The following CNTN4 variants were observed in gnomAD, a reference collection of about 807,000 sequenced individuals.
CNTN4 encodes contactin-4.
In CNTN4, 77 loss-of-function variants were observed where a neutral mutation model predicts 122.5. That is an observed-to-expected ratio of 0.63 (90% CI 0.52 to 0.76). The LOEUF is 0.76. Ranked by LOEUF, CNTN4 falls within the 30% of genes least tolerant of loss-of-function variation. The pLI is 0.00. For synonymous variants in CNTN4, 512 were observed against 447.0 expected (o/e 1.15, Z -1.83); for missense variants, 1,256 against 1,259.1 (o/e 1.00, Z 0.04).
intron 14 of CNTN4, among the ~76,000 whole-genome samples, chr3:2,991,617 G>C (rs1028705813): frequency 6.6e-6 from 1 of 152,034 alleles, no homozygotes; most frequent in African/African-American, 2.4e-5. Flanking sequence ...CTGCAGAGGG[G>C]CCATCCACAG....
chr3:2,489,922 A>G (rs556936303), intron 3 of CNTN4, among the ~76,000 whole-genome samples: 1 of 152,330 alleles, frequency 6.6e-6, no homozygotes, highest in South Asian at 2.1e-4. Flanking sequence ...TATGTCTCGT[A>G]TAAAACATAC....
intron 3 of CNTN4, among the ~76,000 whole-genome samples, chr3:2,357,181 C>T (rs147332477): frequency 5.6e-4 from 86 of 152,304 alleles, no homozygotes; most frequent in African/African-American, 1.9e-3. Context: ...TGGTGACCCA[C>T]AAACCGTACT....
At chr3:2,681,234 G>A (rs2085148602) in intron 4 of CNTN4, among the ~76,000 whole-genome samples, 1 of 152,072 alleles carries the variant, frequency 6.6e-6, no homozygotes, top group South Asian at 2.1e-4. Context: ...ATACCATGGG[G>A]CAGGATGCTA....
In CNTN4 at chr3:2,920,790, T is replaced by C. The variant is rs545134660; in HGVS notation, c.1208-4839T>C. Among the ~76,000 whole-genome samples the C allele has an allele frequency of 1.2e-4, 16 of 134,820 alleles. 1 individual carries two copies. Among genetic ancestry groups the C allele is most frequent in the African/African-American group, 4.4e-4 (16 of 36,252 alleles). The allele number at this position is 134,820 out of a possible 152,430, so 88.4% of individuals were successfully genotyped here. Reference sequence around the variant, plus strand: ...TTTAATCCTCAAAATAATCTCATGATTGTAAAATTCTTTTGTTTCATAATA... The same window carrying C: ...TTTAATCCTCAAAATAATCTCATGACTGTAAAATTCTTTTGTTTCATAATA... On this transcript the variant is annotated intron_variant, in intron 12 of 24. Transcript: ENST00000418658.
chr3:2,578,435 C>T (rs1255230345), intron 4 of CNTN4, among the ~76,000 whole-genome samples: 1 of 152,174 alleles, frequency 6.6e-6, no homozygotes, highest in Non-Finnish European at 1.5e-5. Context: ...ATGGAGAGCA[C>T]ACAGTAGTTC....
chr3:2,102,391 A>T, intron 2 of CNTN4, among the ~76,000 whole-genome samples: 1 of 152,248 alleles, frequency 6.6e-6, no homozygotes, highest in South Asian at 2.1e-4. Context: ...TCACGGCATC[A>T]CGATAGGGAT....
At chr3:2,485,082 C>G (rs1283608482) in intron 3 of CNTN4, among the ~76,000 whole-genome samples, 1 of 152,236 alleles carries the variant, frequency 6.6e-6, no homozygotes, top group Admixed American at 6.5e-5. Context: ...CGCCGGGTCC[C>G]CCAGCAGTGC....
chr3:2,353,383 C>A (rs536742661), intron 3 of CNTN4, among the ~76,000 whole-genome samples: 1 of 152,200 alleles, frequency 6.6e-6, no homozygotes, highest in Non-Finnish European at 1.5e-5. Flanking sequence ...GCAGGCTGCC[C>A]GATCCCTGCA....
At chr3:2,765,293 T>C (rs1421828203) in intron 6 of CNTN4, among the ~76,000 whole-genome samples, 1 of 152,052 alleles carries the variant, frequency 6.6e-6, no homozygotes, top group African/African-American at 2.4e-5. Context: ...GATGAAAGGA[T>C]GAGATTGAAG....
chr3:2,734,857 C>G lies in CNTN4; in HGVS notation c.56-1358C>G, dbSNP rs564346494. Among the ~76,000 whole-genome samples the G allele has an allele frequency of 2.6e-5, 4 of 152,200 alleles. No individual in the cohort carries two copies. The South Asian group carries it at 8.3e-4, about 32-fold the overall frequency. ...TGCAATTCTTGCCCTTCAAAATAAT[C>G]ACATATAAGGGGACTGCCAGTTGCA... On this transcript the variant is annotated intron_variant, in intron 4 of 24. Coordinates refer to ENST00000418658, the MANE Select transcript of CNTN4 (RefSeq NM_175607.3).
At chr3:2,939,044 A>G (rs2094589930) in intron 13 of CNTN4, among the ~76,000 whole-genome samples, 2 of 152,208 alleles carry the variant, frequency 1.3e-5, no homozygotes, top group Admixed American at 1.3e-4. Context: ...AAAATCTGCT[A>G]GACTTCTTAG....
At chr3:2,256,775 C>G (rs1484990327) in intron 2 of CNTN4, among the ~76,000 whole-genome samples, 1 of 152,060 alleles carries the variant, frequency 6.6e-6, no homozygotes, top group Non-Finnish European at 1.5e-5. Context: ...AACCACTGCT[C>G]AAGGAAATAA....
At chr3:2,446,301 A>G (rs565907959) in intron 3 of CNTN4, among the ~76,000 whole-genome samples, 208 of 152,102 alleles carry the variant, frequency 1.4e-3, no homozygotes, top group African/African-American at 4.7e-3. Context: ...TCCTGTTTTT[A>G]TTAGCGTACC....
intron 3 of CNTN4, among the ~76,000 whole-genome samples, chr3:2,422,161 T>A (rs1412986056): frequency 1.3e-5 from 2 of 152,224 alleles, no homozygotes; most frequent in African/African-American, 2.4e-5. Flanking sequence ...TTTAACCACA[T>A]CTAGAGCACT....
intron 2 of CNTN4, among the ~76,000 whole-genome samples, chr3:2,140,819 G>C (rs1359140603): frequency 6.6e-6 from 1 of 152,082 alleles, no homozygotes; most frequent in Non-Finnish European, 1.5e-5. Context: ...TTTATTCCCT[G>C]AACTGCTTGT....
chr3:2,122,063 G>A (rs1404170647), intron 2 of CNTN4, among the ~76,000 whole-genome samples: 4 of 151,870 alleles, frequency 2.6e-5, no homozygotes, highest in South Asian at 2.1e-4. Context: ...GCTGAGGCAG[G>A]AGAATGGCGG....
chr3:3,044,922 C>G (rs539963864), intron 23 of CNTN4, among the ~76,000 whole-genome samples: 1 of 152,334 alleles, frequency 6.6e-6, no homozygotes, highest in African/African-American at 2.4e-5. Flanking sequence ...AATACTAATA[C>G]TGCGCTTTTC....
At chr3:2,240,890 G>T (rs1038512308) in intron 2 of CNTN4, among the ~76,000 whole-genome samples, 1 of 152,064 alleles carries the variant, frequency 6.6e-6, no homozygotes, top group Non-Finnish European at 1.5e-5. Context: ...AGGCATTACA[G>T]TTTGAAATCA....
At chr3:2,311,718 A>T (rs986917098) in intron 2 of CNTN4, among the ~76,000 whole-genome samples, 5 of 152,112 alleles carry the variant, frequency 3.3e-5, no homozygotes, top group African/African-American at 1.2e-4. Flanking sequence ...GTAGCTCATT[A>T]TGTCAAGGAA....
Sources: gnomAD v4.1 joint callset for allele counts (sites outside exome capture counted in the v4.1 genomes callset) on GRCh38, gnomAD v4.1.1 for gene constraint, MANE v1.5 for transcripts, NCBI Gene and HGNC (gene_info 2026-07-23, HGNC 2026-07-21) for gene names.